Variants in INTS1 observed in about 807,000 individuals in gnomAD.
INTS1 encodes the protein integrator complex subunit 1.
Under a neutral mutation model 241.6 loss-of-function variants are expected in INTS1, and 137 were observed. The ratio of observed to expected loss-of-function variants is 0.57; its 90% confidence interval spans 0.49 to 0.65. INTS1 has a LOEUF of 0.65. INTS1 is among the 30% of genes least tolerant of loss of function. The probability of loss-of-function intolerance (pLI) is 0.00; values close to 1 mark genes in which losing one functional copy is unlikely to be tolerated. For synonymous variants in INTS1, 1,692 were observed against 1,337.8 expected (o/e 1.26, Z -5.78); for missense variants, 3,073 against 3,032.2 (o/e 1.01, Z -0.32).
rs146324037 is a variant in INTS1, at chr7:1,481,837, C to T, written c.3704-349G>A. Among the ~76,000 whole-genome samples, 17 of 152,204 alleles carry T rather than the reference C, an allele frequency of 1.1e-4. No homozygotes were observed. Among genetic ancestry groups the T allele is most frequent in the Non-Finnish European group, 2.2e-4 (15 of 67,982 alleles). ...GACCTGGGGCCGCACAAGGGGGCAGCGTGTCGGGACCACCTTGCACCCTGG... is the reference window on the plus strand; with the variant it reads ...GACCTGGGGCCGCACAAGGGGGCAGTGTGTCGGGACCACCTTGCACCCTGG... On this transcript the variant is annotated intron_variant, in intron 27 of 47. Transcript: ENST00000404767. The surrounding 1 kb of genome is among the most constrained non-coding windows in gnomAD (Gnocchi z 6.8).
chr7:1,502,130 G>A (rs372454235), intron 3 of INTS1, among the ~76,000 whole-genome samples: 3 of 152,142 alleles, frequency 2.0e-5, no homozygotes, highest in East Asian at 1.9e-4. Context: ...CAGAGGTGGC[G>A]CGGCTTGAAC....
At position 1,502,765 on chromosome 7, in the gene INTS1, C is replaced by G. The variant is rs1009643800; in HGVS notation, c.349+136G>C. 5.2e-6 allele frequency: 5 copies of G among 957,092 alleles called. No homozygotes were observed. The African/African-American group carries it at 8.2e-5, about 16-fold the overall frequency. The allele number at this position is 957,092 out of a possible 1,614,324, so 59.3% of individuals were successfully genotyped here. A position where few individuals can be genotyped will look rare whatever the true frequency, so the allele number is the denominator to read the frequency against. On this transcript the variant is annotated intron_variant, in intron 3 of 47. Transcript: ENST00000404767. ...TCTACGTGAGAAGCACTTCCAAGAA[C>G]AAGCCACAAACATCCGCTCTCCCAA...
rs1782773248 is a variant in INTS1 at position 1,494,947 on chromosome 7, C to A, written c.1833-54G>T. ...ATGATGTGGGTGCTCAGGGACCAGC[C>A]CCGTTAGTTCCAGGGAAGGGACCCC... is the stretch of plus-strand genomic sequence containing the variant. On this transcript the variant is annotated intron_variant, in intron 13 of 47. Coordinates refer to ENST00000404767, the MANE Select transcript of INTS1 (RefSeq NM_001080453.3). The A allele has an allele frequency of 3.9e-6, 6 of 1,541,758 alleles. No individual in the cohort carries two copies. The South Asian group carries it at 7.1e-5, about 18-fold the overall frequency.
intron 2 of INTS1, 89 bp downstream of exon 2, chr7:1,503,814 C>G: frequency 1.0e-6 from 1 of 971,424 alleles, no homozygotes; most frequent in South Asian, 1.5e-5. Flanking sequence ...CAACCAAGCC[C>G]AACGCAGGAT....
Position 1,487,876 on chromosome 7 carries a change from C to T in INTS1, c.2400G>A (p.Gln800=), listed in dbSNP as rs202228703. Residue 800 remains glutamine, a synonymous_variant, in exon 19 of 48, where the codon CAG becomes CAA. Transcript: ENST00000404767. ...EMLNRELQTA[Q]REKQEILAFE... Reference sequence around the variant, plus strand: ...AGGCCAGGATCTCCTGCTTCTCCCGCTGGGCGGTCTGCAGCTCACGGTTCA... The same window carrying T: ...AGGCCAGGATCTCCTGCTTCTCCCGTTGGGCGGTCTGCAGCTCACGGTTCA... The T allele has an allele frequency of 4.4e-4, 712 of 1,613,626 alleles. No individual in the cohort carries two copies. The highest frequency in any genetic ancestry group is 1.3e-3 in the Middle Eastern group (8 of 6,062).
chr7:1,472,106 C>A, intron 44 of INTS1, 167 bp downstream of exon 44: 1 of 610,996 alleles, frequency 1.6e-6, no homozygotes. Flanking sequence ...GTTTCTAAGG[C>A]CCTCTCTGGG....
In INTS1 at chr7:1,476,935, A is replaced by C. The variant is rs1480553147; in HGVS notation, c.4939-17T>G. 3 of 1,604,570 alleles carry C rather than the reference A, an allele frequency of 1.9e-6. No individual in the cohort carries two copies. The highest frequency in any genetic ancestry group is 1.1e-5 in the South Asian group (1 of 90,056). ...ACCTTTGCCCTGGGGAGGGAGGAAG[A>C]AGCCCGGATGGCCTCACCTGGGCCA... On this transcript the variant is annotated splice_polypyrimidine_tract_variant and intron_variant, in intron 35 of 47. Transcript: ENST00000404767.
At chr7:1,488,446 G>A (rs1240172281) in intron 18 of INTS1, among the ~76,000 whole-genome samples, 1 of 152,090 alleles carries the variant, frequency 6.6e-6, no homozygotes, top group Non-Finnish European at 1.5e-5. Context: ...AGGCCCCAAA[G>A]TCAGTCTGCT....
rs181128403 is a variant in INTS1, at chr7:1,498,760, G to C, written c.1230C>G (p.Ile410Met). Residue 410 changes from isoleucine (I) to methionine (M), a missense_variant, in exon 9 of 48, where the codon ATC becomes ATG. By Grantham distance (10) the Ile-to-Met change is conservative (BLOSUM62 1). Coordinates refer to ENST00000404767, the MANE Select transcript of INTS1 (RefSeq NM_001080453.3). Reference protein sequence around the residue: ...SEDMDVISHLIKIRLKPKVLL... With the variant: ...SEDMDVISHLMKIRLKPKVLL... ...GGACCTTGGGCTTGAGGCGGATCTT[G>C]ATCAGGTGTGAGATGACGTCCATGT... 5 of 1,579,624 alleles carry C rather than the reference G, an allele frequency of 3.2e-6. No individual in the cohort carries two copies. The Admixed American group carries it at 5.5e-5, about 17-fold the overall frequency.
Position 1,483,788 on chromosome 7 carries a change from G to A in INTS1, c.3495C>T (p.Leu1165=), listed in dbSNP as rs757498272. 1.2e-5 allele frequency: 20 copies of A among 1,612,366 alleles called. No homozygotes were observed. Among genetic ancestry groups the A allele is most frequent in the East Asian group, 4.5e-5 (2 of 44,884 alleles). The stretch of plus-strand genomic sequence containing the variant: ...GCAGGATCACCATGGCATGGACCAC[G>A]AGGATGTGCATGGTGGCTGTCTCCC... ...SSGETATMHI[L]VVHAMVILLT... is the part of the protein sequence containing the mutation. The change falls in exon 26 of 48, where the codon CTC becomes CTT. Residue 1165 remains leucine (L), a synonymous_variant. Transcript: ENST00000404767.
Position 1,485,390 on chromosome 7 carries a change from T to C in INTS1, c.3056A>G (p.Asp1019Gly). Reference sequence around the variant, plus strand: ...CTGATAGCCCTGCAGCACATCTGTGTCCCCCACATCCTCCTCCATGGGGGG... The same window carrying C: ...CTGATAGCCCTGCAGCACATCTGTGCCCCCCACATCCTCCTCCATGGGGGG... ...KEPPMEEDVGDTDVLQGYQWL... is the reference protein window; with the variant it reads ...KEPPMEEDVGGTDVLQGYQWL... The change falls in exon 23 of 48, where the codon GAC becomes GGC. Residue 1019 changes from aspartate (D) to glycine (G), a missense_variant. Coordinates refer to ENST00000404767, the MANE Select transcript of INTS1 (RefSeq NM_001080453.3). The C allele has an allele frequency of 6.2e-7, 1 of 1,612,642 alleles. No homozygotes were observed. Among genetic ancestry groups the C allele is most frequent in the Non-Finnish European group, 8.5e-7 (1 of 1,179,780 alleles).
rs553868364 is a variant in INTS1, at chr7:1,498,572, C to G, written c.1284-19G>C. 7 of 1,610,924 alleles carry G rather than the reference C, an allele frequency of 4.3e-6. No individual in the cohort carries two copies. The African/African-American group carries it at 9.5e-5, about 22-fold the overall frequency. On this transcript the variant is annotated intron_variant, in intron 9 of 47. Coordinates refer to ENST00000404767, the MANE Select transcript of INTS1 (RefSeq NM_001080453.3). ...CAGCTCCCTGGGTGAGGTGAGGGTA[C>G]AGACCCTGTCCCCGCTACGCCTGTG... is the stretch of plus-strand genomic sequence containing the variant.
At chr7:1,474,455 C>T in intron 40 of INTS1, 95 bp from the exon 41 acceptor site, 1 of 1,290,166 alleles carries the variant, frequency 7.8e-7, no homozygotes, top group Non-Finnish European at 1.0e-6. Context: ...GGGAGCCAGA[C>T]CCCGTGCTGC....
At position 1,504,302 on chromosome 7, in the gene INTS1, C is replaced by A. The variant is rs546612978; in HGVS notation, c.-42+21G>T. The A allele has an allele frequency of 2.3e-4, 126 of 542,018 alleles. 1 individual carries two copies. The highest frequency in any genetic ancestry group is 1.8e-3 in the South Asian group (114 of 63,162). The allele number at this position is 542,018 out of a possible 1,614,324, so 33.6% of individuals were successfully genotyped here. A position where few individuals can be genotyped will look rare whatever the true frequency, so the allele number is the denominator to read the frequency against. ...GCGCTCGCCCGGCAATGAGGAAGCG[C>A]CCAGGCCGCGGCTCACTTACCTCTG... On this transcript the variant is annotated intron_variant, in intron 1 of 47. Transcript: ENST00000404767.
intron 30 of INTS1, among the ~76,000 whole-genome samples, chr7:1,480,048 C>T (rs1781920553): frequency 6.6e-6 from 1 of 152,258 alleles, no homozygotes. Context: ...GTGCCCCGCG[C>T]AGAGGGGTGT....
At chr7:1,484,334 T>A (rs1485239187) in intron 24 of INTS1, among the ~76,000 whole-genome samples, 164 bp from the exon 25 acceptor site, 3 of 152,012 alleles carry the variant, frequency 2.0e-5, no homozygotes, top group African/African-American at 4.8e-5. Flanking sequence ...CGACCAGAGC[T>A]GGGTCGGACT....
intron 40 of INTS1, 98 bp from the exon 41 acceptor site, chr7:1,474,458 C>T (rs1781619791): frequency 4.6e-6 from 6 of 1,293,340 alleles, no homozygotes; most frequent in South Asian, 3.0e-5. Flanking sequence ...AGCCAGACCC[C>T]GTGCTGCCCC....
Position 1,493,068 on chromosome 7 carries a change from C to A in INTS1, c.2107G>T (p.Asp703Tyr). 1 of 1,613,618 alleles carries A rather than the reference C, an allele frequency of 6.2e-7. No individual in the cohort carries two copies. The highest frequency in any genetic ancestry group is 8.5e-7 in the Non-Finnish European group (1 of 1,179,674). Residue 703 changes from aspartate to tyrosine, a missense_variant, in exon 16 of 48, where the codon GAC becomes TAC. Coordinates refer to ENST00000404767, the MANE Select transcript of INTS1 (RefSeq NM_001080453.3). The surrounding 1 kb of genome is among the most constrained non-coding windows in gnomAD (Gnocchi z 5.3). The part of the protein sequence containing the change: ...VLKVGRTQLI[D>Y]AVLNLCTYHH... ...TAGGTGCACAGATTCAGAACGGCGT[C>A]GATCAGCTGGGTCCTCCCCACCTTC...
At chr7:1,480,243 T>C in intron 30 of INTS1, 74 bp downstream of exon 30, 1 of 1,499,044 alleles carries the variant, frequency 6.7e-7, no homozygotes, top group Non-Finnish European at 8.9e-7. Flanking sequence ...CCGCTGTGCG[T>C]GCGAGGCGGC....
Sources: allele counts gnomAD v4.1 joint callset (sites outside exome capture counted in the v4.1 genomes callset), GRCh38; gene constraint gnomAD v4.1.1; non-coding constraint Gnocchi (gnomAD v3.1); transcripts MANE v1.5; gene names NCBI Gene and HGNC (gene_info 2026-07-23, HGNC 2026-07-21).